The following PTBP3 variants were observed in gnomAD, a reference collection of about 807,000 sequenced individuals.
PTBP3 encodes polypyrimidine tract-binding protein 3.
In PTBP3, 20 loss-of-function variants were observed where a neutral mutation model predicts 58.7. The ratio of observed to expected loss-of-function variants is 0.34; its 90% CI spans 0.24 to 0.50. The LOEUF (loss-of-function observed/expected upper bound fraction) is 0.50. Among genes scored for constraint, PTBP3 ranks in the 20% least tolerant of loss-of-function variants. The pLI is 0.98. For missense variants in PTBP3, 509 were observed against 637.2 expected (o/e 0.80, Z 2.17); for synonymous variants, 185 against 219.8 (o/e 0.84, Z 1.40).
chr9:112,331,183 G>A (rs1356212658), intron 1 of PTBP3, among the ~76,000 whole-genome samples: 1 of 151,586 alleles, frequency 6.6e-6, no homozygotes, highest in Non-Finnish European at 1.5e-5. Context: ...GGTGGCTTGT[G>A]GTTTGTTTTT....
chr9:112,267,490 G>T (rs1343128420), intron 4 of PTBP3, among the ~76,000 whole-genome samples: 1 of 152,086 alleles, frequency 6.6e-6, no homozygotes, highest in Non-Finnish European at 1.5e-5. Flanking sequence ...AAGATTTTCT[G>T]TCCTTAAATA....
chr9:112,284,133 C>A (rs924416145), intron 2 of PTBP3, among the ~76,000 whole-genome samples: 1 of 152,226 alleles, frequency 6.6e-6, no homozygotes, highest in Non-Finnish European at 1.5e-5. Flanking sequence ...CATATAGTCC[C>A]TGCTGAGGCA....
the PTBP3 span, among the ~76,000 whole-genome samples, chr9:112,353,008 C>A: frequency 6.6e-6 from 1 of 151,898 alleles, no homozygotes; most frequent in Non-Finnish European, 1.5e-5. Flanking sequence ...TCAAGCGATT[C>A]TCCTGCTTCA....
Position 112,275,827 on chromosome 9 carries a change from CTT to C in PTBP3, c.204+15_204+16del. 1 of 1,584,790 alleles carries C rather than the reference CTT, an allele frequency of 6.3e-7. No individual in the cohort carries two copies. Among genetic ancestry groups the C allele is most frequent in the Non-Finnish European group, 8.6e-7 (1 of 1,156,204 alleles). ...CTGGAGATAATCACTCTTTGTCAAT[CTT>C]TAAATATTACATACCTGGCTTTTTC... On this transcript the variant is annotated intron_variant, in intron 3 of 13. Transcript: ENST00000374257.
intron 7 of PTBP3, among the ~76,000 whole-genome samples, chr9:112,244,466 G>A (rs1357600154): frequency 6.6e-6 from 1 of 151,638 alleles, no homozygotes; most frequent in Admixed American, 6.6e-5. Context: ...TTGAGACCAG[G>A]AGTTTTAGAC....
intron 1 of PTBP3, among the ~76,000 whole-genome samples, chr9:112,320,488 T>TCAAGC (rs896295639): frequency 4.2e-4 from 63 of 151,488 alleles, no homozygotes; most frequent in African/African-American, 1.2e-3. Flanking sequence ...ATGTCAAACA[T>TCAAGC]CAAATGACCT....
At chr9:112,318,459 C>T (rs1342512100) in intron 1 of PTBP3, among the ~76,000 whole-genome samples, 2 of 152,072 alleles carry the variant, frequency 1.3e-5, no homozygotes, top group South Asian at 2.1e-4. Flanking sequence ...AAATTAAAGA[C>T]GACATAAAAG....
intron 5 of PTBP3, among the ~76,000 whole-genome samples, chr9:112,261,551 A>G (rs1172470843): frequency 1.3e-5 from 2 of 152,224 alleles, no homozygotes; most frequent in African/African-American, 2.4e-5. Flanking sequence ...GACTCTGTCA[A>G]ATGAAAATAA....
intron 1 of PTBP3, among the ~76,000 whole-genome samples, chr9:112,325,515 T>A (rs112000930): frequency 6.6e-6 from 1 of 151,838 alleles, no homozygotes; most frequent in Non-Finnish European, 1.5e-5. Flanking sequence ...TTTCTCCTGG[T>A]TGTGAGACAA....
intron 3 of PTBP3, among the ~76,000 whole-genome samples, chr9:112,271,458 C>T (rs766453517): frequency 4.6e-5 from 7 of 152,250 alleles, no homozygotes; most frequent in East Asian, 1.9e-4. Flanking sequence ...TAGTGGCTCA[C>T]GCCTATGATC....
the PTBP3 span, among the ~76,000 whole-genome samples, chr9:112,339,963 TTTTA>T: frequency 3.3e-5 from 5 of 152,090 alleles, no homozygotes; most frequent in Admixed American, 2.0e-4. Flanking sequence ...CATGTTTATT[TTTTA>T]TTTATTTATT....
At chr9:112,338,615 C>A (rs1266867434), upstream of PTBP3, among the ~76,000 whole-genome samples, 1 of 152,194 alleles carries the variant, frequency 6.6e-6, no homozygotes, top group Non-Finnish European at 1.5e-5. Context: ...AGTTTTCAGG[C>A]TGTATCACCT....
intron 12 of PTBP3, among the ~76,000 whole-genome samples, chr9:112,227,071 G>C (rs187917355): frequency 6.6e-6 from 1 of 152,062 alleles, no homozygotes; most frequent in African/African-American, 2.4e-5. Flanking sequence ...TTGTCATATT[G>C]GTTAACGTAA....
intron 7 of PTBP3, among the ~76,000 whole-genome samples, chr9:112,244,711 T>C (rs534322541): frequency 6.6e-6 from 1 of 152,056 alleles, no homozygotes; most frequent in African/African-American, 2.4e-5. Flanking sequence ...TCCAAATGAA[T>C]GGACAGATGC....
chr9:112,267,132 T>C (rs761273797), intron 4 of PTBP3, among the ~76,000 whole-genome samples: 1 of 151,610 alleles, frequency 6.6e-6, no homozygotes, highest in Non-Finnish European at 1.5e-5. Context: ...AGGCCAAACA[T>C]GCCCTTAAAA....
the PTBP3 span, among the ~76,000 whole-genome samples, chr9:112,376,811 C>CA: frequency 6.6e-6 from 1 of 152,134 alleles, no homozygotes; most frequent in African/African-American, 2.4e-5. Flanking sequence ...CTGCCCTTCC[C>CA]AGCCCACTGA....
At chr9:112,303,342 G>A (rs938196893) in intron 1 of PTBP3, among the ~76,000 whole-genome samples, 9 of 152,088 alleles carry the variant, frequency 5.9e-5, no homozygotes, top group African/African-American at 2.2e-4. Flanking sequence ...AAATGTGTAT[G>A]GTTCCAGAAT....
intron 2 of PTBP3, among the ~76,000 whole-genome samples, chr9:112,294,201 A>G (rs1828568166): frequency 1.3e-5 from 2 of 152,202 alleles, no homozygotes; most frequent in Non-Finnish European, 2.9e-5. Context: ...GAACCGATTA[A>G]AGTATGATGA....
intron 2 of PTBP3, among the ~76,000 whole-genome samples, chr9:112,289,802 T>C (rs1331876434): frequency 1.3e-5 from 2 of 152,194 alleles, no homozygotes; most frequent in Non-Finnish European, 2.9e-5. Flanking sequence ...TATATACATA[T>C]ATATAAAAAT....
Sources: allele counts gnomAD v4.1 joint callset (sites outside exome capture counted in the v4.1 genomes callset), GRCh38; gene constraint gnomAD v4.1.1; transcripts MANE v1.5; gene names NCBI Gene and HGNC (gene_info 2026-07-23, HGNC 2026-07-21).